The following SLC44A5 variants were observed in gnomAD, a reference collection of about 807,000 sequenced individuals.
SLC44A5 encodes the protein choline transporter-like protein 5.
A neutral mutation model predicts 101.8 loss-of-function variants in SLC44A5; 57 were observed. That is an observed-to-expected ratio of 0.56 (90% CI 0.45 to 0.70). The LOEUF (loss-of-function observed/expected upper bound fraction) is 0.70, where lower values mean the gene tolerates loss of function less well. Ranked by LOEUF, SLC44A5 falls within the 30% of genes least tolerant of loss-of-function variation. The probability of loss-of-function intolerance (pLI) is 0.00; values close to 1 mark genes in which losing one functional copy is unlikely to be tolerated. For synonymous variants in SLC44A5, 281 were observed against 290.9 expected (o/e 0.97, Z 0.35); for missense variants, 737 against 853.1 (o/e 0.86, Z 1.70).
the SLC44A5 span, among the ~76,000 whole-genome samples, chr1:75,666,583 A>AT: frequency 6.6e-4 from 100 of 152,322 alleles, no homozygotes; most frequent in Non-Finnish European, 1.2e-3. Context: ...TCCATAACTT[A>AT]TTTTATGAGG....
At chr1:75,684,264 A>T in the SLC44A5 span, among the ~76,000 whole-genome samples, 1 of 152,134 alleles carries the variant, frequency 6.6e-6, no homozygotes, top group African/African-American at 2.4e-5. Flanking sequence ...TCAAAGTGAG[A>T]TTTGGGTAGG....
chr1:75,659,443 G>GGGAGGGAGGGAAGGAAGGAA, the SLC44A5 span, among the ~76,000 whole-genome samples: 7 of 61,114 alleles, frequency 1.1e-4, no homozygotes, highest in African/African-American at 5.2e-4. Flanking sequence ...GAGGGAGGGA[G>GGGAGGGAGGGAAGGAAGGAA]GGAAGGAAGG....
intron 2 of SLC44A5, among the ~76,000 whole-genome samples, chr1:75,532,692 G>C (rs1233418219): frequency 1.3e-5 from 2 of 152,088 alleles, no homozygotes; most frequent in African/African-American, 2.4e-5. Context: ...ATTTTGCTAA[G>C]AGCTGTATCC....
At chr1:75,362,226 G>C (rs1478677021) in intron 3 of SLC44A5, among the ~76,000 whole-genome samples, 1 of 150,230 alleles carries the variant, frequency 6.7e-6, no homozygotes, top group Non-Finnish European at 1.5e-5. Context: ...TTGTTGACTT[G>C]TTTTTTTAAA....
chr1:75,266,149 T>C (rs944698262), intron 6 of SLC44A5, among the ~76,000 whole-genome samples: 3 of 152,098 alleles, frequency 2.0e-5, no homozygotes, highest in African/African-American at 4.8e-5. Flanking sequence ...CCTCTAAACA[T>C]GGACTTTAGG....
At chr1:75,233,673 T>C (rs887693557) in intron 12 of SLC44A5, among the ~76,000 whole-genome samples, 1 of 152,158 alleles carries the variant, frequency 6.6e-6, no homozygotes, top group African/African-American at 2.4e-5. Context: ...AAAGAAGTTG[T>C]CTGAAATGTT....
chr1:75,233,950 C>T (rs1286197463), intron 12 of SLC44A5, 36 bp downstream of exon 12: 2 of 1,417,482 alleles, frequency 1.4e-6, no homozygotes, highest in Non-Finnish European at 2.0e-6. Flanking sequence ...AAGGATTATT[C>T]TGATATTTGA....
At chr1:75,346,979 T>C (rs948776081) in intron 3 of SLC44A5, among the ~76,000 whole-genome samples, 10 of 152,052 alleles carry the variant, frequency 6.6e-5, no homozygotes, top group African/African-American at 2.4e-4. Context: ...CTTTTCTGAG[T>C]GCGGAGTTCA....
chr1:75,399,323 C>A (rs1393674358), intron 2 of SLC44A5, among the ~76,000 whole-genome samples: 1 of 151,968 alleles, frequency 6.6e-6, no homozygotes, highest in Non-Finnish European at 1.5e-5. Flanking sequence ...CCAACAGGAG[C>A]CACCACCAAT....
intron 1 of SLC44A5, among the ~76,000 whole-genome samples, chr1:75,608,350 T>C (rs1444885349): frequency 1.3e-5 from 2 of 151,924 alleles, no homozygotes; most frequent in Non-Finnish European, 2.9e-5. Context: ...TGTGTGTGTG[T>C]GTTGTGTGTG....
intron 1 of SLC44A5, among the ~76,000 whole-genome samples, chr1:75,580,151 C>T (rs1008606802): frequency 3.3e-5 from 5 of 151,838 alleles, no homozygotes; most frequent in African/African-American, 1.2e-4. Flanking sequence ...AGACTACCTA[C>T]AGCATAGAAT....
At chr1:75,562,215 C>A (rs1672556639) in intron 1 of SLC44A5, among the ~76,000 whole-genome samples, 1 of 151,898 alleles carries the variant, frequency 6.6e-6, no homozygotes, top group African/African-American at 2.4e-5. Flanking sequence ...ACTAGTATTT[C>A]CCAGATTTTT....
the SLC44A5 span, among the ~76,000 whole-genome samples, chr1:75,675,881 G>C: frequency 6.6e-6 from 1 of 152,084 alleles, no homozygotes; most frequent in African/African-American, 2.4e-5. Context: ...CATTAAAAGT[G>C]GGCAAAGGAC....
the SLC44A5 span, chr1:75,641,631 T>C: frequency 1.8e-5 from 27 of 1,492,790 alleles, no homozygotes; most frequent in South Asian, 3.4e-5. Context: ...CGGTTCAAAA[T>C]TGCATAACAA....
In SLC44A5 at chr1:75,401,358, ATGATAGATC is replaced by A. The variant is rs1315642650; in HGVS notation, c.14-4746_14-4738del. Among the ~76,000 whole-genome samples, 119 of 152,340 alleles carry A rather than the reference ATGATAGATC, an allele frequency of 7.8e-4. 1 individual carries two copies. The highest frequency in any genetic ancestry group is 3.8e-4 in the Non-Finnish European group (26 of 68,034). On this transcript the variant is annotated intron_variant, in intron 2 of 23. Transcript: ENST00000370859. ...ATGGAGTTTTTTATAATGCATCAGGATGATAGATCTTAAGCAAATCAGCATACCAATCAT... is the reference window on the plus strand; with the variant it reads ...ATGGAGTTTTTTATAATGCATCAGGATTAAGCAAATCAGCATACCAATCAT...
intron 3 of SLC44A5, among the ~76,000 whole-genome samples, chr1:75,359,174 C>CT (rs34008323): frequency 0.14 from 14,174 of 104,532 alleles, 828 homozygotes; most frequent in Admixed American, 0.23. Flanking sequence ...ATTTTCTTTT[C>CT]TTTTTTTTTT....
At chr1:75,579,148 T>C (rs1049935716) in intron 1 of SLC44A5, among the ~76,000 whole-genome samples, 3 of 152,230 alleles carry the variant, frequency 2.0e-5, no homozygotes, top group Admixed American at 2.0e-4. Context: ...AACTCTGAAC[T>C]ATGACCATTA....
intron 5 of SLC44A5, among the ~76,000 whole-genome samples, chr1:75,281,428 C>T (rs540403328): frequency 6.6e-6 from 1 of 151,918 alleles, no homozygotes; most frequent in East Asian, 1.9e-4. Context: ...AATTTGCAGC[C>T]CAACAATGTG....
At chr1:75,492,852 T>G (rs1224677385) in intron 2 of SLC44A5, among the ~76,000 whole-genome samples, 1 of 152,134 alleles carries the variant, frequency 6.6e-6, no homozygotes, top group Non-Finnish European at 1.5e-5. Context: ...TTAAACAAAC[T>G]AGATCAATGA....
Sources: allele counts gnomAD v4.1 joint callset (sites outside exome capture counted in the v4.1 genomes callset), GRCh38; gene constraint gnomAD v4.1.1; transcripts MANE v1.5; gene names NCBI Gene and HGNC (gene_info 2026-07-23, HGNC 2026-07-21).